Variants in PPP2R5E observed in about 807,000 individuals in gnomAD.
PPP2R5E encodes protein phosphatase 2 regulatory subunit B'epsilon, also known as serine/threonine-protein phosphatase 2A 56 kDa regulatory subunit epsilon isoform.
Under a neutral mutation model 65.3 loss-of-function variants are expected in PPP2R5E, and 4 were observed. The ratio of observed to expected loss-of-function variants is 0.06; its 90% CI spans 0.03 to 0.14. The LOEUF is 0.14. Ranked by LOEUF, PPP2R5E falls within the 10% of genes least tolerant of loss-of-function variation. The pLI is 1.00. For missense variants in PPP2R5E, 274 were observed against 556.1 expected (o/e 0.49, Z 5.10); for synonymous variants, 183 against 187.4 (o/e 0.98, Z 0.19).
chr14:63,452,481 A>C (rs1424002864), intron 3 of PPP2R5E: 1 of 152,210 alleles, frequency 6.6e-6, no homozygotes, highest in African/African-American at 2.4e-5. Context: ...AGTTGTGACT[A>C]CCAAAAATGT....
chr14:63,485,636 A>G (rs147584313), intron 2 of PPP2R5E, among the ~76,000 whole-genome samples: 3,376 of 151,148 alleles, frequency 0.022, 73 homozygotes, highest in African/African-American at 0.061. Flanking sequence ...CTGGTCTCGA[A>G]CTCCCAACCT....
chr14:63,415,837 A>T (rs1886655590), intron 4 of PPP2R5E, among the ~76,000 whole-genome samples: 1 of 152,222 alleles, frequency 6.6e-6, no homozygotes, highest in Non-Finnish European at 1.5e-5. Context: ...TTCTGCGACA[A>T]CGTGCATCAC....
chr14:63,520,046 C>G (rs1252854811), intron 2 of PPP2R5E, among the ~76,000 whole-genome samples: 1 of 151,298 alleles, frequency 6.6e-6, no homozygotes, highest in Non-Finnish European at 1.5e-5. Flanking sequence ...CTAGCTACAA[C>G]ATTTTTTGAA....
At position 63,449,872 on chromosome 14, in the gene PPP2R5E, A is replaced by ATTT. The variant is rs35931655; in HGVS notation, c.354+3814_354+3816dup. On this transcript the variant is annotated intron_variant, in intron 3 of 13. Transcript: ENST00000337537. The stretch of plus-strand genomic sequence containing the variant: ...GCCTTGCCTTTTCTTTTCTTTTCCT[A>ATTT]TTTTTTTTTTTTTTTTTTTTTGAGA... Among the ~76,000 whole-genome samples the ATTT allele has an allele frequency of 2.0e-3, 208 of 105,390 alleles. 6 individuals carry two copies. The highest frequency in any genetic ancestry group is 6.8e-3 in the African/African-American group (172 of 25,344). 69.1% of individuals were successfully genotyped at this position (105,390 alleles called of 152,430 possible).
chr14:63,527,226 A>T (rs1402985462), intron 2 of PPP2R5E, among the ~76,000 whole-genome samples: 1 of 152,232 alleles, frequency 6.6e-6, no homozygotes, highest in African/African-American at 2.4e-5. Flanking sequence ...CCATAAATGG[A>T]ATTTCCCTTG....
intron 2 of PPP2R5E, among the ~76,000 whole-genome samples, chr14:63,529,180 T>C (rs1309330120): frequency 6.6e-6 from 1 of 152,118 alleles, no homozygotes; most frequent in Non-Finnish European, 1.5e-5. Flanking sequence ...CAGGTTGATC[T>C]TGAACACCTG....
intron 2 of PPP2R5E, among the ~76,000 whole-genome samples, chr14:63,503,337 G>C (rs961059950): frequency 1.3e-5 from 2 of 152,156 alleles, no homozygotes; most frequent in Non-Finnish European, 2.9e-5. Flanking sequence ...AGAACGTGGG[G>C]TGTGGAGTGA....
At chr14:63,448,302 T>TA (rs1308404304) in intron 3 of PPP2R5E, among the ~76,000 whole-genome samples, 2 of 151,226 alleles carry the variant, frequency 1.3e-5, no homozygotes, top group African/African-American at 4.9e-5. Context: ...ATCTCAAAAA[T>TA]AAATAAATAA....
chr14:63,495,741 A>C (rs908113628), intron 2 of PPP2R5E, among the ~76,000 whole-genome samples: 9 of 151,200 alleles, frequency 6.0e-5, no homozygotes, highest in African/African-American at 2.2e-4. Flanking sequence ...CCCAGGCTGG[A>C]GTGCAGTGGT....
At chr14:63,376,186 C>T (rs1349822821) in intron 13 of PPP2R5E, 78 bp from the exon 14 acceptor site, 3 of 981,608 alleles carry the variant, frequency 3.1e-6, no homozygotes, top group Non-Finnish European at 4.7e-6. Flanking sequence ...TACAATTTCA[C>T]CTTAACACTC....
intron 2 of PPP2R5E, among the ~76,000 whole-genome samples, chr14:63,511,104 A>C (rs1266806019): frequency 2.0e-5 from 3 of 152,254 alleles, no homozygotes; most frequent in Admixed American, 2.0e-4. Context: ...GTATAATTTT[A>C]TAGCTCCTCC....
chr14:63,512,101 AAAAG>A (rs1179276512), intron 2 of PPP2R5E, among the ~76,000 whole-genome samples: 3 of 150,932 alleles, frequency 2.0e-5, no homozygotes, highest in Admixed American at 6.6e-5. Context: ...AAAAAAAAAA[AAAAG>A]AATCTCAGAA....
intron 3 of PPP2R5E, among the ~76,000 whole-genome samples, chr14:63,434,316 G>A (rs1435673562): frequency 6.6e-6 from 1 of 152,204 alleles, no homozygotes; most frequent in East Asian, 1.9e-4. Context: ...CTTCACAAGA[G>A]TTTCTTTCTC....
At chr14:63,388,195 C>T (rs1190613174) in intron 11 of PPP2R5E, among the ~76,000 whole-genome samples, 1 of 150,938 alleles carries the variant, frequency 6.6e-6, no homozygotes, top group Non-Finnish European at 1.5e-5. Context: ...GGCTGGAGTA[C>T]AATGGCATGA....
At chr14:63,426,551 C>G (rs1887343763) in intron 3 of PPP2R5E, among the ~76,000 whole-genome samples, 1 of 151,888 alleles carries the variant, frequency 6.6e-6, no homozygotes, top group Non-Finnish European at 1.5e-5. Flanking sequence ...GAATGATAAA[C>G]ACAGTCCTAA....
intron 2 of PPP2R5E, among the ~76,000 whole-genome samples, chr14:63,521,333 T>C (rs895880476): frequency 6.6e-6 from 1 of 152,332 alleles, no homozygotes; most frequent in East Asian, 1.9e-4. Context: ...TTTCTTAAAG[T>C]GAAATGAGCA....
intron 4 of PPP2R5E, among the ~76,000 whole-genome samples, chr14:63,415,566 A>C (rs1466151650): frequency 6.6e-6 from 1 of 152,220 alleles, no homozygotes; most frequent in East Asian, 1.9e-4. Flanking sequence ...TTTGCAAACT[A>C]CTTGTACCAT....
chr14:63,401,856 C>A (rs1885774124), intron 5 of PPP2R5E, among the ~76,000 whole-genome samples: 2 of 152,100 alleles, frequency 1.3e-5, no homozygotes, highest in Admixed American at 6.5e-5. Context: ...CAACGAGAAG[C>A]AGGCCAGTTC....
At chr14:63,414,666 A>G (rs929194953) in intron 5 of PPP2R5E, among the ~76,000 whole-genome samples, 1 of 152,192 alleles carries the variant, frequency 6.6e-6, no homozygotes, top group African/African-American at 2.4e-5. Flanking sequence ...TAGAATGTTA[A>G]GCTATGCTAT....
Sources: gnomAD v4.1 joint callset for allele counts (sites outside exome capture counted in the v4.1 genomes callset) on GRCh38, gnomAD v4.1.1 for gene constraint, MANE v1.5 for transcripts, NCBI Gene and HGNC (gene_info 2026-07-23, HGNC 2026-07-21) for gene names.